Variants in NPAS3 observed in about 807,000 individuals in gnomAD.
NPAS3 encodes the protein neuronal PAS domain-containing protein 3.
Under a neutral mutation model 73.1 loss-of-function variants are expected in NPAS3, and 14 were observed. The ratio of observed to expected loss-of-function variants is 0.19; its 90% CI spans 0.13 to 0.30. The LOEUF is 0.30. Ranked by LOEUF, NPAS3 falls within the 10% of genes least tolerant of loss-of-function variation. NPAS3 has a pLI of 1.00. For missense variants in NPAS3, 1,096 were observed against 1,250.0 expected (o/e 0.88, Z 1.86); for synonymous variants, 620 against 541.5 (o/e 1.14, Z -2.01).
intron 4 of NPAS3, among the ~76,000 whole-genome samples, chr14:33,543,946 C>CATATATAT (rs35154724): frequency 1.0e-4 from 11 of 104,974 alleles, no homozygotes; most frequent in East Asian, 3.1e-4. Flanking sequence ...TGGCAAAGTG[C>CATATATAT]ATATATATAT....
At chr14:33,414,724 A>C (rs2138950027) in intron 4 of NPAS3, among the ~76,000 whole-genome samples, 1 of 152,292 alleles carries the variant, frequency 6.6e-6, no homozygotes, top group East Asian at 1.9e-4. Context: ...AGTTAGGGCC[A>C]CTTAGCATCA....
intron 2 of NPAS3, among the ~76,000 whole-genome samples, chr14:33,133,351 T>C (rs2043711078): frequency 6.6e-6 from 1 of 152,180 alleles, no homozygotes; most frequent in Non-Finnish European, 1.5e-5. Context: ...TGAAACTTGA[T>C]AAATAAAATA....
intron 6 of NPAS3, among the ~76,000 whole-genome samples, chr14:33,683,672 C>T (rs537219281): frequency 6.6e-6 from 1 of 152,290 alleles, no homozygotes; most frequent in South Asian, 2.1e-4. Context: ...GCAGGGTGCA[C>T]AGATCAGAAG....
chr14:33,090,992 G>T (rs2042205570), intron 2 of NPAS3, among the ~76,000 whole-genome samples: 1 of 152,220 alleles, frequency 6.6e-6, no homozygotes, highest in Non-Finnish European at 1.5e-5. Context: ...TTAAAGCTGT[G>T]TGTCGACGGA....
chr14:32,948,957 C>A (rs934983713), intron 1 of NPAS3, among the ~76,000 whole-genome samples: 1 of 152,006 alleles, frequency 6.6e-6, no homozygotes, highest in Non-Finnish European at 1.5e-5. Context: ...TTGTGTTTCC[C>A]GTTTTAATTC....
At chr14:33,192,055 G>T (rs1410187076) in intron 2 of NPAS3, among the ~76,000 whole-genome samples, 2 of 152,084 alleles carry the variant, frequency 1.3e-5, no homozygotes, top group Non-Finnish European at 2.9e-5. Flanking sequence ...CAGCTCACCT[G>T]CCAGGTGTTG....
At chr14:33,221,268 G>T (rs1440751909) in intron 3 of NPAS3, among the ~76,000 whole-genome samples, 1 of 152,170 alleles carries the variant, frequency 6.6e-6, no homozygotes, top group African/African-American at 2.4e-5. Flanking sequence ...TTTCTGTTCA[G>T]TCGTTAGGTC....
At chr14:32,992,722 A>G (rs2038386096) in intron 1 of NPAS3, among the ~76,000 whole-genome samples, 1 of 152,232 alleles carries the variant, frequency 6.6e-6, no homozygotes, top group South Asian at 2.1e-4. Flanking sequence ...TATAGGAAAC[A>G]TACATAAACT....
intron 4 of NPAS3, among the ~76,000 whole-genome samples, chr14:33,396,415 T>C (rs1274539787): frequency 6.6e-6 from 1 of 152,194 alleles, no homozygotes; most frequent in Non-Finnish European, 1.5e-5. Context: ...ATTTTGACCT[T>C]AAATACTACA....
intron 3 of NPAS3, among the ~76,000 whole-genome samples, chr14:33,365,505 T>C (rs991562387): frequency 6.6e-6 from 1 of 152,182 alleles, no homozygotes; most frequent in Non-Finnish European, 1.5e-5. Context: ...AGTAAACTGA[T>C]TTTTCTGTTT....
chr14:33,308,194 A>G (rs1300407811), intron 3 of NPAS3, among the ~76,000 whole-genome samples: 1 of 152,126 alleles, frequency 6.6e-6, no homozygotes, highest in Admixed American at 6.5e-5. Context: ...CTTACAGGAA[A>G]GGTCAGGGAA....
At chr14:33,124,669 A>G (rs1254891516) in intron 2 of NPAS3, among the ~76,000 whole-genome samples, 3 of 152,184 alleles carry the variant, frequency 2.0e-5, no homozygotes, top group African/African-American at 7.2e-5. Flanking sequence ...TCTGAAGACT[A>G]ATGTTGGGAG....
intron 4 of NPAS3, among the ~76,000 whole-genome samples, chr14:33,475,383 A>G (rs1014419844): frequency 2.0e-4 from 31 of 152,104 alleles, no homozygotes; most frequent in Non-Finnish European, 3.5e-4. Flanking sequence ...AACAAATTTG[A>G]TGCATTTTTC....
chr14:33,538,504 C>CAGT (rs1350477395), intron 4 of NPAS3, among the ~76,000 whole-genome samples: 2 of 152,210 alleles, frequency 1.3e-5, no homozygotes, highest in Admixed American at 6.5e-5. Context: ...TTGTCTCTTA[C>CAGT]AGTAGTCAGT....
chr14:33,056,186 G>A (rs145614663), intron 2 of NPAS3, among the ~76,000 whole-genome samples, 192 bp downstream of exon 2: 79 of 151,636 alleles, frequency 5.2e-4, no homozygotes, highest in African/African-American at 1.7e-3. Context: ...CTGAGATCAA[G>A]ACAGAAAAAA....
At chr14:33,177,365 G>A (rs1489650856) in intron 2 of NPAS3, among the ~76,000 whole-genome samples, 1 of 151,510 alleles carries the variant, frequency 6.6e-6, no homozygotes, top group South Asian at 2.1e-4. Flanking sequence ...CAAAGAGCTG[G>A]GTATCTTTTT....
At chr14:33,163,001 A>G (rs935294517) in intron 2 of NPAS3, among the ~76,000 whole-genome samples, 2 of 152,220 alleles carry the variant, frequency 1.3e-5, no homozygotes, top group Admixed American at 6.5e-5. Flanking sequence ...ACAAAGAAAA[A>G]GGAAGTCCCA....
intron 4 of NPAS3, among the ~76,000 whole-genome samples, chr14:33,486,826 A>G (rs2051626013): frequency 6.6e-6 from 1 of 152,196 alleles, no homozygotes; most frequent in African/African-American, 2.4e-5. Context: ...TCATCAATCC[A>G]GACCAAACTC....
chr14:32,936,568 T>C (rs541014196), upstream of NPAS3, among the ~76,000 whole-genome samples: 1 of 152,130 alleles, frequency 6.6e-6, no homozygotes, highest in Non-Finnish European at 1.5e-5. Flanking sequence ...AACTAGGAAG[T>C]GCAGGCAATG....
Sources: gnomAD v4.1 joint callset for allele counts (sites outside exome capture counted in the v4.1 genomes callset) on GRCh38, gnomAD v4.1.1 for gene constraint, MANE v1.5 for transcripts, NCBI Gene and HGNC (gene_info 2026-07-23, HGNC 2026-07-21) for gene names.